PEAK1: variants seen among roughly 807,000 people sequenced by gnomAD.
PEAK1 encodes inactive tyrosine-protein kinase PEAK1.
In PEAK1, 54 loss-of-function variants were observed where a neutral mutation model predicts 124.7. The observed-to-expected ratio is 0.43, with a 90% CI of 0.35 to 0.54. The LOEUF is 0.54. Among genes scored for constraint, PEAK1 ranks in the 20% least tolerant of loss-of-function variants. The pLI is 0.01. For synonymous variants in PEAK1, 719 were observed against 760.0 expected, an observed-to-expected ratio of 0.95 and a Z score of 0.89; for missense variants, 2,046 against 2,134.5, an observed-to-expected ratio of 0.96 and a Z score of 0.82.
chr15:77,381,136 G>T, intron 1 of PEAK1: 1 of 801,722 alleles, frequency 1.2e-6, no homozygotes, highest in Non-Finnish European at 1.5e-6. Context: ...TTTAAATAAT[G>T]GAGTAACATG....
intron 9 of PEAK1, among the ~76,000 whole-genome samples, chr15:77,123,524 A>T (rs2052105210): frequency 6.6e-6 from 1 of 152,198 alleles, no homozygotes. Flanking sequence ...TGGTGTCCCC[A>T]TGCAGAAGTG....
intron 1 of PEAK1, among the ~76,000 whole-genome samples, chr15:77,398,710 C>T (rs1263162984): frequency 1.3e-5 from 2 of 152,054 alleles, no homozygotes; most frequent in Non-Finnish European, 2.9e-5. Flanking sequence ...CTGGAACACA[C>T]AGATGTCCAC....
chr15:77,237,755 T>C (rs1415756656), intron 6 of PEAK1, among the ~76,000 whole-genome samples: 1 of 152,196 alleles, frequency 6.6e-6, no homozygotes, highest in Non-Finnish European at 1.5e-5. Flanking sequence ...GTCAAAGCTA[T>C]ATTGCTAAGT....
At position 77,114,073 on chromosome 15, in the gene PEAK1, T is replaced by G; in HGVS notation, c.*83A>C. 1.4e-6 allele frequency: 2 copies of G among 1,431,562 alleles called. No homozygotes were observed. Among genetic ancestry groups the G allele is most frequent in the Non-Finnish European group, 1.9e-6 (2 of 1,036,528 alleles). The allele number at this position is 1,431,562 out of a possible 1,614,324, so 88.7% of individuals were successfully genotyped here. On this transcript the variant is annotated 3_prime_UTR_variant, in exon 10 of 10. Transcript: ENST00000682557. Reference sequence around the variant, plus strand: ...GGTTTGCCTTTCTTCTTTCCTTGAATTTGGAGTGAGCACTAGGGAGGGGAA... The same window carrying G: ...GGTTTGCCTTTCTTCTTTCCTTGAAGTTGGAGTGAGCACTAGGGAGGGGAA...
chr15:77,388,167 C>T lies in PEAK1; in HGVS notation c.-665-22942G>A, dbSNP rs1460768431. 3.3e-5 allele frequency among the ~76,000 whole-genome samples: 5 copies of T among 152,170 alleles called. No individual in the cohort carries two copies. The South Asian group carries it at 6.2e-4, about 19-fold the overall frequency. On this transcript the variant is annotated intron_variant, in intron 1 of 9. Transcript: ENST00000682557. ...CATGATAGCATCACTACACTCCAGC[C>T]TGGGCAACAGAGCAAGATCCTGTCT... is the stretch of plus-strand genomic sequence containing the variant.
chr15:77,146,797 T>C (rs1265249848), intron 8 of PEAK1, among the ~76,000 whole-genome samples: 1 of 152,200 alleles, frequency 6.6e-6, no homozygotes. Flanking sequence ...TAATTATTTG[T>C]TGAGGAAATG....
chr15:77,250,826 C>T (rs1004442873), intron 6 of PEAK1, among the ~76,000 whole-genome samples: 3 of 152,132 alleles, frequency 2.0e-5, no homozygotes, highest in Non-Finnish European at 4.4e-5. Flanking sequence ...GCCTTGGCCT[C>T]CCAAAGTGCT....
intron 2 of PEAK1, among the ~76,000 whole-genome samples, chr15:77,301,161 T>C (rs553718150): frequency 1.3e-5 from 2 of 152,214 alleles, no homozygotes; most frequent in Non-Finnish European, 2.9e-5. Flanking sequence ...TTAGCAGGGC[T>C]GCACTCTCTT....
chr15:77,324,294 C>A (rs763485116), intron 2 of PEAK1, among the ~76,000 whole-genome samples: 7 of 152,076 alleles, frequency 4.6e-5, no homozygotes, highest in Non-Finnish European at 8.8e-5. Context: ...GCATGGCCCA[C>A]ATGGTGAAAC....
At chr15:77,115,714 C>G (rs1457882502) in intron 9 of PEAK1, among the ~76,000 whole-genome samples, 3 of 152,214 alleles carry the variant, frequency 2.0e-5, no homozygotes, top group Non-Finnish European at 4.4e-5. Context: ...TCTCTTACTT[C>G]TGTAGAGGTT....
rs557755832 is a variant in PEAK1 at position 77,167,013 on chromosome 15, G to C, written c.3138-8317C>G. Among the ~76,000 whole-genome samples, 53 of 152,308 alleles carry C rather than the reference G, an allele frequency of 3.5e-4. 1 individual carries two copies. In the South Asian group the frequency reaches 0.011, roughly 31 times the overall value. ...TTAATAGCTTTGGGGCATTGCCCAGGAATCTGCATTTATATACTCCAGGTG... is the reference window on the plus strand; with the variant it reads ...TTAATAGCTTTGGGGCATTGCCCAGCAATCTGCATTTATATACTCCAGGTG... On this transcript the variant is annotated intron_variant, in intron 7 of 9. Coordinates refer to ENST00000682557, the MANE Select transcript of PEAK1 (RefSeq NM_001385026.1).
intron 2 of PEAK1, among the ~76,000 whole-genome samples, chr15:77,330,200 G>A (rs2065815248): frequency 6.6e-6 from 1 of 152,018 alleles, no homozygotes; most frequent in South Asian, 2.1e-4. Context: ...ATTAACTATT[G>A]ACATGTTGAT....
chr15:77,299,856 A>C (rs1409184704), intron 2 of PEAK1, among the ~76,000 whole-genome samples: 1 of 152,106 alleles, frequency 6.6e-6, no homozygotes, highest in Non-Finnish European at 1.5e-5. Flanking sequence ...TCTCCCCACT[A>C]ATTTATTAGA....
chr15:77,267,942 T>C (rs2061825580), intron 5 of PEAK1, among the ~76,000 whole-genome samples: 1 of 151,348 alleles, frequency 6.6e-6, no homozygotes, highest in Non-Finnish European at 1.5e-5. Flanking sequence ...AAAGGTGAAG[T>C]CCAAGAAATA....
At position 77,338,634 on chromosome 15, in the gene PEAK1, TAAA is replaced by T. The variant is rs66627554; in HGVS notation, c.-603+26526_-603+26528del. On this transcript the variant is annotated intron_variant, in intron 2 of 9. Transcript: ENST00000682557. ...AAACATACACCACATGAAAAATCTT[TAAA>T]AAAAAAAATATATATATATATATAT... is the stretch of plus-strand genomic sequence containing the variant. Among the ~76,000 whole-genome samples the T allele has an allele frequency of 1.6e-3, 231 of 142,320 alleles. 1 individual carries two copies. The highest frequency in any genetic ancestry group is 4.4e-3 in the African/African-American group (172 of 38,792). 93.4% of individuals were successfully genotyped at this position (142,320 alleles called of 152,430 possible). A position where few individuals can be genotyped will look rare whatever the true frequency, so the allele number is the denominator to read the frequency against.
chr15:77,218,414 TA>T (rs1222978177), intron 6 of PEAK1, among the ~76,000 whole-genome samples: 1 of 152,190 alleles, frequency 6.6e-6, no homozygotes, highest in African/African-American at 2.4e-5. Flanking sequence ...TCCTATATTC[TA>T]TTAAAATGGT....
At chr15:77,176,872 G>A (rs934865397) in intron 7 of PEAK1, among the ~76,000 whole-genome samples, 1 of 152,216 alleles carries the variant, frequency 6.6e-6, no homozygotes, top group East Asian at 1.9e-4. Flanking sequence ...ATGACACCAT[G>A]TAAGAACTGT....
intron 2 of PEAK1, among the ~76,000 whole-genome samples, chr15:77,330,226 T>C (rs1426750881): frequency 2.6e-5 from 4 of 152,182 alleles, no homozygotes; most frequent in Non-Finnish European, 5.9e-5. Context: ...TATTTCATTA[T>C]TTCTTTTAAC....
intron 5 of PEAK1, among the ~76,000 whole-genome samples, chr15:77,281,477 TTC>T (rs1168659226): frequency 2.0e-5 from 3 of 152,154 alleles, no homozygotes; most frequent in Non-Finnish European, 2.9e-5. Context: ...TATTAAAATG[TTC>T]TGTTTATATA....
Sources: gnomAD v4.1 joint callset for allele counts (sites outside exome capture counted in the v4.1 genomes callset) on GRCh38, gnomAD v4.1.1 for gene constraint, MANE v1.5 for transcripts, NCBI Gene and HGNC (gene_info 2026-07-23, HGNC 2026-07-21) for gene names.